Variants in ZNF521 observed in about 807,000 individuals in gnomAD.
ZNF521 encodes LYST-interacting protein 3.
Under a neutral mutation model 105.5 loss-of-function variants are expected in ZNF521, and 14 were observed. That is an observed-to-expected ratio of 0.13 (90% CI 0.09 to 0.21). ZNF521 has a LOEUF of 0.21. Among genes scored for constraint, ZNF521 ranks in the 10% least tolerant of loss-of-function variants. ZNF521 has a pLI of 1.00. For missense variants in ZNF521, 1,233 were observed against 1,629.7 expected (o/e 0.76, Z 4.19); for synonymous variants, 635 against 606.0 (o/e 1.05, Z -0.70).
intron 5 of ZNF521, among the ~76,000 whole-genome samples, chr18:25,176,131 G>A (rs1382628124): frequency 2.0e-5 from 3 of 152,178 alleles, no homozygotes; most frequent in African/African-American, 7.2e-5. Flanking sequence ...TTCAATAGCC[G>A]TGTGAGTCTT....
chr18:25,309,064 CTTTGCTCT>C (rs1442883060), intron 3 of ZNF521, among the ~76,000 whole-genome samples: 1 of 152,176 alleles, frequency 6.6e-6, no homozygotes, highest in Non-Finnish European at 1.5e-5. Context: ...AAGCATGGTT[CTTTGCTCT>C]TTTGCTAGGC....
chr18:25,223,157 A>G (rs899256708), intron 4 of ZNF521, among the ~76,000 whole-genome samples: 1 of 152,260 alleles, frequency 6.6e-6, no homozygotes, highest in Non-Finnish European at 1.5e-5. Flanking sequence ...ATGAGCTATG[A>G]GCCATAATCA....
Position 25,226,407 on chromosome 18 carries a change from T to A in ZNF521, c.1511A>T (p.Asn504Ile). The A allele has an allele frequency of 6.2e-7, 1 of 1,614,068 alleles. No individual in the cohort carries two copies. Among genetic ancestry groups the A allele is most frequent in the Non-Finnish European group, 8.5e-7 (1 of 1,180,016 alleles). Residue 504 changes from asparagine to isoleucine, a missense_variant, in exon 4 of 8, where the codon AAC becomes ATC. Physicochemically the swap from Asn to Ile is moderately radical, Grantham distance 149. Around this residue, in one of 6 missense-constraint regions of ZNF521, gnomAD observed 380 missense variants for 478.0 expected, o/e 0.80. Coordinates refer to ENST00000361524, the MANE Select transcript of ZNF521 (RefSeq NM_015461.3). This position sits in a 1 kb window ranked among gnomAD's most constrained non-coding sequence, Gnocchi z 4.1. ...EHIRCSHGFA[N>I]PAAKDSNAFF... ...TGCATTACTATCTTTAGCTGCAGGG[T>A]TTGCAAATCCATGAGAACATCGGAT...
intron 7 of ZNF521, among the ~76,000 whole-genome samples, chr18:25,066,368 T>C (rs2033060492): frequency 6.6e-6 from 1 of 152,148 alleles, no homozygotes; most frequent in Admixed American, 6.5e-5. Context: ...ATGTGTCTGT[T>C]CTCCTCCCCC....
chr18:25,130,215 T>C (rs1015883352), intron 5 of ZNF521, among the ~76,000 whole-genome samples: 1 of 152,176 alleles, frequency 6.6e-6, no homozygotes, highest in Non-Finnish European at 1.5e-5. Flanking sequence ...AAATGCATAT[T>C]GTAAGTAAAA....
At chr18:25,263,105 T>C (rs765522876) in intron 3 of ZNF521, among the ~76,000 whole-genome samples, 3 of 152,216 alleles carry the variant, frequency 2.0e-5, no homozygotes, top group Non-Finnish European at 2.9e-5. Flanking sequence ...TACAAGACTA[T>C]GTTCTCACAA....
chr18:25,301,379 A>C (rs568772907), intron 3 of ZNF521, among the ~76,000 whole-genome samples: 2 of 152,230 alleles, frequency 1.3e-5, no homozygotes, highest in South Asian at 4.1e-4. Flanking sequence ...GTGCTTGCCT[A>C]TATCAAAACA....
chr18:25,092,124 A>G, intron 5 of ZNF521, 43 bp from the exon 6 acceptor site: 1 of 1,610,628 alleles, frequency 6.2e-7, no homozygotes. Flanking sequence ...AAAACCTGTC[A>G]TATCTTTAAT....
chr18:25,131,914 T>A (rs762072862), intron 5 of ZNF521, among the ~76,000 whole-genome samples: 33 of 152,202 alleles, frequency 2.2e-4, no homozygotes, highest in Non-Finnish European at 4.4e-4. Flanking sequence ...TGTTTACTTA[T>A]GTCCTTCATT....
intron 5 of ZNF521, among the ~76,000 whole-genome samples, chr18:25,115,304 T>C (rs2034280526): frequency 6.6e-6 from 1 of 152,246 alleles, no homozygotes; most frequent in Non-Finnish European, 1.5e-5. Context: ...AATACGATCA[T>C]GGCAGACTTC....
chr18:25,317,833 T>C (rs1330151311), intron 3 of ZNF521, among the ~76,000 whole-genome samples: 1 of 152,114 alleles, frequency 6.6e-6, no homozygotes, highest in Non-Finnish European at 1.5e-5. Flanking sequence ...ATAATATAAA[T>C]GTTAGCAAGT....
chr18:25,072,151 C>A (rs1194817833), intron 7 of ZNF521, among the ~76,000 whole-genome samples: 5 of 152,176 alleles, frequency 3.3e-5, no homozygotes, highest in African/African-American at 1.2e-4. Context: ...AAGCCCATGG[C>A]GGTTACCATG....
chr18:25,268,227 T>A (rs1323977821), intron 3 of ZNF521, among the ~76,000 whole-genome samples: 1 of 151,882 alleles, frequency 6.6e-6, no homozygotes, highest in Non-Finnish European at 1.5e-5. Context: ...AAGACAAGAC[T>A]GAAGTAAGAA....
At chr18:25,165,088 C>T (rs777753700) in intron 5 of ZNF521, among the ~76,000 whole-genome samples, 8 of 152,248 alleles carry the variant, frequency 5.3e-5, no homozygotes, top group East Asian at 3.9e-4. Flanking sequence ...CTTTTAACCC[C>T]ATATGGTTTT....
chr18:25,317,802 G>C (rs1196713864), intron 3 of ZNF521, among the ~76,000 whole-genome samples: 1 of 152,124 alleles, frequency 6.6e-6, no homozygotes, highest in African/African-American at 2.4e-5. Context: ...ATGCCCAACA[G>C]AATGTCAAAA....
chr18:25,266,887 T>C (rs1241259777), intron 3 of ZNF521, among the ~76,000 whole-genome samples: 2 of 152,142 alleles, frequency 1.3e-5, no homozygotes, highest in African/African-American at 4.8e-5. Flanking sequence ...TGTTTCTTTT[T>C]TTCCATATCC....
chr18:25,335,274 C>A (rs1430790019), intron 2 of ZNF521, among the ~76,000 whole-genome samples: 1 of 152,182 alleles, frequency 6.6e-6, no homozygotes, highest in African/African-American at 2.4e-5. Context: ...GACTGAGACT[C>A]CTCCCTAGTC....
At position 25,226,813 on chromosome 18, in the gene ZNF521, T is replaced by C; in HGVS notation, c.1105A>G (p.Thr369Ala). 1.9e-6 allele frequency: 3 copies of C among 1,614,040 alleles called. No individual in the cohort carries two copies. Among genetic ancestry groups the C allele is most frequent in the Non-Finnish European group, 1.7e-6 (2 of 1,179,976 alleles). Residue 369 changes from threonine (T) to alanine (A), a missense_variant, in exon 4 of 8, where the codon ACC becomes GCC. Thr to Ala is a moderately conservative substitution (Grantham distance 58, BLOSUM62 0). This residue lies in a region of ZNF521 where 380 missense variants were observed against 478.0 expected (regional missense o/e 0.80). Coordinates refer to ENST00000361524, the MANE Select transcript of ZNF521 (RefSeq NM_015461.3). This position sits in a 1 kb window ranked among gnomAD's most constrained non-coding sequence, Gnocchi z 4.1. The part of the protein sequence containing the change: ...PDSNLSVDSS[T>A]MVEAAPPIPK... ...ATTGGCGGGGCAGCTTCCACCATGG[T>C]TGAGCTGTCCACTGAGAGGTTGGAA...
At chr18:25,164,611 T>C (rs2035305211) in intron 5 of ZNF521, among the ~76,000 whole-genome samples, 1 of 152,296 alleles carries the variant, frequency 6.6e-6, no homozygotes. Flanking sequence ...CAGGAGATTT[T>C]TGCCCTCGCT....
Sources: gnomAD v4.1 joint callset for allele counts (sites outside exome capture counted in the v4.1 genomes callset) on GRCh38, gnomAD v4.1.1 for gene constraint, gnomAD v4.1.1 regional missense constraint, Gnocchi (gnomAD v3.1) non-coding constraint, MANE v1.5 for transcripts, NCBI Gene and HGNC (gene_info 2026-07-23, HGNC 2026-07-21) for gene names.